The following PERM1 variants were observed in gnomAD, a reference collection of about 807,000 sequenced individuals.
The protein encoded by PERM1 is PGC-1 and ERR-induced regulator in muscle protein 1.
A neutral mutation model predicts 44.1 loss-of-function variants in PERM1; 45 were observed. The observed-to-expected ratio is 1.02, with a 90% CI of 0.80 to 1.31. PERM1 has a LOEUF of 1.31. PERM1 is among the 50% of genes most tolerant of loss of function. The probability of loss-of-function intolerance (pLI) is 0.00; values close to 1 mark genes in which losing one functional copy is unlikely to be tolerated. For synonymous variants in PERM1, 565 were observed against 477.1 expected (o/e 1.18, Z -2.40); for missense variants, 1,189 against 1,106.9 (o/e 1.07, Z -1.05).
exon 2 of PERM1, chr1:976,505 T>C (rs1245270801): frequency 1.9e-6 from 3 of 1,549,492 alleles, no homozygotes; most frequent in East Asian, 2.4e-5. Flanking sequence ...AAACCTGTTT[T>C]CCAGGCGTCT....
upstream of PERM1, chr1:982,052 G>A (rs1418750513): frequency 7.8e-6 from 10 of 1,288,322 alleles, no homozygotes; most frequent in East Asian, 5.5e-5. Context: ...GCCAGCAGCT[G>A]ACCATGTCCT....
At chr1:975,275 G>A (rs1023717286) in exon 3 of PERM1, 4 of 152,558 alleles carry the variant, frequency 2.6e-5, no homozygotes, top group African/African-American at 9.7e-5. Flanking sequence ...CCACAGTCTT[G>A]AGGACCCCCA....
exon 1 of PERM1, chr1:979,487 T>C: frequency 6.5e-7 from 1 of 1,547,666 alleles, no homozygotes; most frequent in Non-Finnish European, 8.7e-7. Flanking sequence ...GAGCCTGGCT[T>C]ATTGGGGCTG....
chr1:982,016 T>C (rs1304787467), upstream of PERM1: 2 of 1,282,432 alleles, frequency 1.6e-6, no homozygotes, highest in Admixed American at 2.3e-5. Flanking sequence ...TGGGGGTTGT[T>C]ACCATTGGGG....
exon 3 of PERM1, chr1:975,523 T>C (rs4970429): frequency 0.92 from 139,671 of 152,486 alleles, 64,567 homozygotes; most frequent in East Asian, 1. Context: ...CTGCAGGGGC[T>C]GCTGCACTGG....
exon 3 of PERM1, chr1:976,007 C>T: frequency 1.4e-6 from 1 of 691,952 alleles, no homozygotes; most frequent in Non-Finnish European, 2.3e-6. Flanking sequence ...TGGTCACTGG[C>T]TGGATCCTCA....
chr1:980,360 C>T (rs1030244463), exon 1 of PERM1: 66 of 1,550,134 alleles, frequency 4.3e-5, no homozygotes, highest in Middle Eastern at 1.7e-4. Flanking sequence ...TCCTCCTGCC[C>T]GGCTTTGGCC....
exon 3 of PERM1, chr1:975,387 C>G (rs900754910): frequency 6.6e-6 from 1 of 152,250 alleles, no homozygotes; most frequent in Non-Finnish European, 1.5e-5. Context: ...TCCCCAGCTG[C>G]CCCACAGGAG....
At chr1:979,421 C>T (rs1230506600) in exon 1 of PERM1, 1 of 1,526,678 alleles carries the variant, frequency 6.6e-7, no homozygotes, top group South Asian at 1.2e-5. Flanking sequence ...GCTCCGGGCC[C>T]CCCGTGGGCC....
exon 1 of PERM1, chr1:979,437 T>A: frequency 6.5e-7 from 1 of 1,536,234 alleles, no homozygotes; most frequent in Non-Finnish European, 8.8e-7. Context: ...GGGCCCCAGT[T>A]GCTGTCTGGG....
intron 1 of PERM1, 117 bp from the exon 3 acceptor site, chr1:976,741 C>A: frequency 1.3e-6 from 1 of 770,884 alleles, no homozygotes; most frequent in South Asian, 2.1e-5. Flanking sequence ...CCTCCCACTC[C>A]CCCCGCCAAC....
chr1:979,426 T>C (rs765037990), exon 1 of PERM1: 151 of 1,529,706 alleles, frequency 9.9e-5, no homozygotes, highest in Non-Finnish European at 1.3e-4. Context: ...GGGCCCCCCG[T>C]GGGCCCCAGT....
At chr1:976,612 C>T (rs1643618332) in exon 2 of PERM1, 3 of 1,549,330 alleles carry the variant, frequency 1.9e-6, no homozygotes, top group South Asian at 2.4e-5. Flanking sequence ...TGGGACAGGC[C>T]CCCGGAGCTC....
At chr1:980,932 G>A (rs956583379) in exon 1 of PERM1, 32 of 1,428,498 alleles carry the variant, frequency 2.2e-5, no homozygotes, top group Non-Finnish European at 2.9e-5. Flanking sequence ...GTCCCCAGAG[G>A]CCAGGCCGGC....
At chr1:979,987 G>C in exon 1 of PERM1, 1 of 1,549,304 alleles carries the variant, frequency 6.5e-7, no homozygotes, top group Non-Finnish European at 8.7e-7. Flanking sequence ...CTCAGAGGCA[G>C]GTGTAGACAC....
chr1:976,635 A>C lies in PERM1; in HGVS notation c.2150-11T>G, dbSNP rs2100494862. ...GCCCCCGGAGCTCCCCTAGGACAGA[A>C]GCTCACCTTCAGCCCCACGGCTGCA... On this transcript the variant is annotated splice_polypyrimidine_tract_variant and intron_variant, in intron 1 of 2. Coordinates refer to ENST00000433179, the Ensembl canonical transcript of PERM1. 12 of 1,548,812 alleles carry C rather than the reference A, an allele frequency of 7.7e-6. No homozygotes were observed. The East Asian group carries it at 1.2e-4, about 16-fold the overall frequency.
chr1:980,780 G>T (rs1278021183), exon 1 of PERM1: 1 of 1,401,392 alleles, frequency 7.1e-7, no homozygotes, highest in African/African-American at 1.5e-5. Context: ...CTGCTGACCG[G>T]CTGCTGTGTG....
At chr1:976,623 C>T (rs1403053172) in exon 2 of PERM1, 1 of 1,549,036 alleles carries the variant, frequency 6.5e-7, no homozygotes, top group Non-Finnish European at 8.7e-7. Context: ...CCCGGAGCTC[C>T]CCTAGGACAG....
intron 1 of PERM1, among the ~76,000 whole-genome samples, chr1:978,635 G>A (rs745672296): frequency 8.5e-5 from 13 of 152,230 alleles, no homozygotes; most frequent in South Asian, 2.1e-4. Flanking sequence ...GGACGCCGCC[G>A]TCACATGGGC....
Sources: gnomAD v4.1 joint callset for allele counts (sites outside exome capture counted in the v4.1 genomes callset) on GRCh38, gnomAD v4.1.1 for gene constraint, MANE v1.5 for transcripts, NCBI Gene and HGNC (gene_info 2026-07-23, HGNC 2026-07-21) for gene names.